ASTN1: variants seen among roughly 807,000 people sequenced by gnomAD.
ASTN1 encodes the protein astrotactin-1.
Under a neutral mutation model 140.7 loss-of-function variants are expected in ASTN1, and 41 were observed. The observed-to-expected ratio is 0.29, with a 90% CI of 0.23 to 0.38. The LOEUF (loss-of-function observed/expected upper bound fraction) is 0.38, where lower values mean the gene tolerates loss of function less well. Ranked by LOEUF, ASTN1 falls within the 10% of genes least tolerant of loss-of-function variation. The probability of loss-of-function intolerance (pLI) is 1.00; values close to 1 mark genes in which losing one functional copy is unlikely to be tolerated. For missense variants in ASTN1, 1,479 were observed against 1,678.8 expected (o/e 0.88, Z 2.08); for synonymous variants, 640 against 652.2 (o/e 0.98, Z 0.29).
intron 1 of ASTN1, among the ~76,000 whole-genome samples, chr1:177,135,413 T>C (rs1018516775): frequency 2.0e-5 from 3 of 150,824 alleles, no homozygotes; most frequent in African/African-American, 4.9e-5. Context: ...ATTCACTCCC[T>C]GGAGGCAGCA....
At chr1:177,161,359 A>G (rs1323153573) in intron 1 of ASTN1, among the ~76,000 whole-genome samples, 2 of 152,186 alleles carry the variant, frequency 1.3e-5, no homozygotes, top group African/African-American at 4.8e-5. Context: ...GCCTTTGCTC[A>G]TCTTTTCTCC....
intron 1 of ASTN1, among the ~76,000 whole-genome samples, chr1:177,107,657 A>C (rs933935758): frequency 3.3e-5 from 5 of 152,176 alleles, no homozygotes. Flanking sequence ...TCCCCCAGAC[A>C]GCCCTCACCA....
intron 1 of ASTN1, among the ~76,000 whole-genome samples, chr1:177,149,172 A>AATATATAGTGTATATATATAGTAAAT (rs1682869038): frequency 2.1e-5 from 2 of 94,098 alleles, no homozygotes; most frequent in Admixed American, 1.2e-4. Context: ...ATATATAGTA[A>AATATATAGTGTATATATATAGTAAAT]ATATATAGTG....
chr1:176,874,217 G>A (rs562536885), intron 21 of ASTN1, among the ~76,000 whole-genome samples: 2 of 152,166 alleles, frequency 1.3e-5, no homozygotes, highest in Non-Finnish European at 2.9e-5. Context: ...GGTGTCATGG[G>A]TCCTCTGCAG....
Position 176,864,478 on chromosome 1 carries a change from A to G in ASTN1, c.3691T>C (p.Trp1231Arg). The change falls in exon 23 of 23, where the codon TGG (tryptophan) becomes CGG (arginine). Residue 1231 changes from tryptophan to arginine, a missense_variant. This residue lies in a region of ASTN1 where 746 missense variants were observed against 800.9 expected (regional missense o/e 0.93). Coordinates refer to ENST00000361833, the MANE Select transcript of ASTN1 (RefSeq NM_004319.3). ...ILSQLGDLSS[W>R]CNGLLQEPKI... ...GGTTCCTGAAGGAGTCCATTGCACCAACTGCTGAGGTCCCCAAGCTGGGAA... is the reference window on the plus strand; with the variant it reads ...GGTTCCTGAAGGAGTCCATTGCACCGACTGCTGAGGTCCCCAAGCTGGGAA... 1 of 1,614,092 alleles carries G rather than the reference A, an allele frequency of 6.2e-7. No individual in the cohort carries two copies. The highest frequency in any genetic ancestry group is 1.6e-4 in the Middle Eastern group (1 of 6,062).
chr1:177,104,929 T>TTC (rs1323973419), intron 1 of ASTN1, among the ~76,000 whole-genome samples: 1 of 152,040 alleles, frequency 6.6e-6, no homozygotes, highest in African/African-American at 2.4e-5. Context: ...ACCACTACCT[T>TTC]TCATGAAGTA....
chr1:177,121,580 A>G lies in ASTN1; in HGVS notation c.283+42814T>C, dbSNP rs1681390088. Among the ~76,000 whole-genome samples the G allele has an allele frequency of 3.3e-5, 5 of 152,094 alleles. No homozygotes were observed. The South Asian group carries it at 1.0e-3, about 32-fold the overall frequency. Reference sequence around the variant, plus strand: ...CTACTCTTTCTGGAGCTTGGGGTAAAATAAGGTATAGAGCATTTTACTACC... The same window carrying G: ...CTACTCTTTCTGGAGCTTGGGGTAAGATAAGGTATAGAGCATTTTACTACC... On this transcript the variant is annotated intron_variant, in intron 1 of 22. Coordinates refer to ENST00000361833, the MANE Select transcript of ASTN1 (RefSeq NM_004319.3).
At chr1:177,033,156 T>TGTGTGC (rs1491449826) in intron 2 of ASTN1, among the ~76,000 whole-genome samples, 1 of 148,808 alleles carries the variant, frequency 6.7e-6, no homozygotes, top group East Asian at 1.9e-4. Context: ...TGTGTGTGTG[T>TGTGTGC]GCGTGATTTC....
At chr1:177,153,410 A>G (rs1683121706) in intron 1 of ASTN1, among the ~76,000 whole-genome samples, 2 of 152,036 alleles carry the variant, frequency 1.3e-5, no homozygotes, top group Non-Finnish European at 2.9e-5. Flanking sequence ...TTTTTTCTTT[A>G]TAAATGACCC....
At chr1:176,977,378 G>T (rs1051631817) in intron 8 of ASTN1, among the ~76,000 whole-genome samples, 1 of 152,176 alleles carries the variant, frequency 6.6e-6, no homozygotes, top group African/African-American at 2.4e-5. Context: ...AAGGGACACA[G>T]AAATGATTAA....
rs576128355 is a variant in ASTN1 at position 176,882,826 on chromosome 1, T to A, written c.3362+33A>T. 6.2e-6 allele frequency: 10 copies of A among 1,613,170 alleles called. No homozygotes were observed. In the South Asian group the frequency reaches 9.9e-5, roughly 16 times the overall value. ...GTAAGAAGCCTTGGGACTGTCAGGG[T>A]AAGAAGTCACTAGGTAGGTGTGTGT... On this transcript the variant is annotated intron_variant, in intron 20 of 22. Coordinates refer to ENST00000361833, the MANE Select transcript of ASTN1 (RefSeq NM_004319.3).
chr1:177,160,795 T>C (rs1026042901), intron 1 of ASTN1, among the ~76,000 whole-genome samples: 4 of 152,212 alleles, frequency 2.6e-5, no homozygotes, highest in Non-Finnish European at 1.5e-5. Context: ...ATATTTTAAA[T>C]TAGAAATGAC....
intron 1 of ASTN1, among the ~76,000 whole-genome samples, chr1:177,125,808 C>T (rs1681615091): frequency 6.6e-6 from 1 of 152,136 alleles, no homozygotes; most frequent in South Asian, 2.1e-4. Flanking sequence ...GAACTTACCT[C>T]GATTATTCTT....
In ASTN1 at chr1:176,931,295, C is replaced by T. The variant is rs552418298; in HGVS notation, c.2671+2857G>A. Among the ~76,000 whole-genome samples, 18 of 152,094 alleles carry T rather than the reference C, an allele frequency of 1.2e-4. No individual in the cohort carries two copies. The East Asian group carries it at 3.1e-3, about 26-fold the overall frequency. Reference sequence around the variant, plus strand: ...CAGTCTGATCAACACGGAGAAACCCCGTCTCTACTTAAATACAAAAATTGG... The same window carrying T: ...CAGTCTGATCAACACGGAGAAACCCTGTCTCTACTTAAATACAAAAATTGG... On this transcript the variant is annotated intron_variant, in intron 16 of 22. Transcript: ENST00000361833.
intron 18 of ASTN1, among the ~76,000 whole-genome samples, 167 bp downstream of exon 18, chr1:176,887,904 A>G (rs1285478083): frequency 1.3e-5 from 2 of 152,016 alleles, no homozygotes; most frequent in African/African-American, 4.8e-5. Flanking sequence ...CCCTTTCTCT[A>G]CTAAAACCAT....
chr1:176,946,608 A>G (rs912899102), intron 12 of ASTN1, among the ~76,000 whole-genome samples: 22 of 152,212 alleles, frequency 1.4e-4, no homozygotes, highest in Non-Finnish European at 1.0e-4. Context: ...TAAGTCAACT[A>G]AGAAATTAGA....
chr1:176,913,694 T>C (rs893295469), intron 16 of ASTN1, among the ~76,000 whole-genome samples: 8 of 152,234 alleles, frequency 5.3e-5, no homozygotes, highest in Non-Finnish European at 8.8e-5. Context: ...CAAGCATCTC[T>C]AGAGTTGAAC....
chr1:177,146,295 T>C (rs1219566689), intron 1 of ASTN1, among the ~76,000 whole-genome samples: 2 of 152,132 alleles, frequency 1.3e-5, no homozygotes, highest in African/African-American at 2.4e-5. Context: ...AGATATAAAG[T>C]TAGAAAAGGA....
At chr1:176,952,018 C>G (rs1003932246) in intron 11 of ASTN1, among the ~76,000 whole-genome samples, 1 of 152,126 alleles carries the variant, frequency 6.6e-6, no homozygotes, top group African/African-American at 2.4e-5. Flanking sequence ...GACTTCGGGC[C>G]TAGATTGTCT....
Sources: gnomAD v4.1 joint callset for allele counts (sites outside exome capture counted in the v4.1 genomes callset) on GRCh38, gnomAD v4.1.1 for gene constraint, gnomAD v4.1.1 regional missense constraint, MANE v1.5 for transcripts, NCBI Gene and HGNC (gene_info 2026-07-23, HGNC 2026-07-21) for gene names.